Variants in LMF1 observed in about 807,000 individuals in gnomAD.
LMF1 encodes the protein transmembrane protein 112.
Under a neutral mutation model 60.6 loss-of-function variants are expected in LMF1, and 68 were observed. That is an observed-to-expected ratio of 1.12 (90% CI 0.92 to 1.37). LMF1 has a LOEUF of 1.37. LMF1 is among the 40% of genes most tolerant of loss of function. The pLI, the probability that LMF1 is intolerant of heterozygous loss-of-function variation, is 0.00. For missense variants in LMF1, 948 were observed against 767.2 expected (o/e 1.24, Z -2.78); for synonymous variants, 418 against 324.7 (o/e 1.29, Z -3.09).
At chr16:951,659 A>G (rs1235990346) in intron 2 of LMF1, among the ~76,000 whole-genome samples, 1 of 152,232 alleles carries the variant, frequency 6.6e-6, no homozygotes, top group Non-Finnish European at 1.5e-5. Context: ...GCTGCGACAA[A>G]CCACGCTCAG....
At chr16:925,173 G>A (rs146495294) in intron 3 of LMF1, among the ~76,000 whole-genome samples, 1 of 152,328 alleles carries the variant, frequency 6.6e-6, no homozygotes, top group East Asian at 1.9e-4. Context: ...TAGGAATGAA[G>A]AGCAGATGCC....
Position 853,653 on chromosome 16 carries a change from G to A in LMF1, c.*879C>T, listed in dbSNP as rs1320951238. 2.2e-6 allele frequency: 1 copy of A among 451,170 alleles called. No homozygotes were observed. The highest frequency in any genetic ancestry group is 4.5e-6 in the Non-Finnish European group (1 of 224,192). The allele number at this position is 451,170 out of a possible 1,614,324, so 27.9% of individuals were successfully genotyped here. On this transcript the variant is annotated 3_prime_UTR_variant, in exon 11 of 11. Coordinates refer to ENST00000262301, the MANE Select transcript of LMF1 (RefSeq NM_022773.4). ...AGTGTGTTTTCGAGTAAGCTGGTAA[G>A]TGGTATAATAGGAATAGTAGAAGAA...
At chr16:888,665 C>T (rs1282325460) in intron 5 of LMF1, among the ~76,000 whole-genome samples, 14 of 152,246 alleles carry the variant, frequency 9.2e-5, no homozygotes, top group Admixed American at 8.5e-4. Flanking sequence ...CAGCCTGCTG[C>T]ATTCTGGACG....
chr16:855,823 C>T (rs1447301681), intron 10 of LMF1: 7 of 455,616 alleles, frequency 1.5e-5, no homozygotes, highest in Non-Finnish European at 3.1e-5. Flanking sequence ...TTATTTGGGG[C>T]TTCTGGTGAC....
rs574186298 is a variant in LMF1, at chr16:886,111, A to G, written c.730-6374T>C. Reference sequence around the variant, plus strand: ...CTTTCATTCCAGTGCATGTTACGACATTTGATTCTCACAACCGCCGTAGGG... The same window carrying G: ...CTTTCATTCCAGTGCATGTTACGACGTTTGATTCTCACAACCGCCGTAGGG... On this transcript the variant is annotated intron_variant, in intron 5 of 10. Coordinates refer to ENST00000262301, the MANE Select transcript of LMF1 (RefSeq NM_022773.4). Among the ~76,000 whole-genome samples, 67 of 152,222 alleles carry G rather than the reference A, an allele frequency of 4.4e-4. 2 individuals carry two copies. Among genetic ancestry groups the G allele is most frequent in the Non-Finnish European group, 2.5e-4 (17 of 68,038 alleles).
chr16:905,017 T>C (rs2070936671), intron 4 of LMF1: 1 of 70,998 alleles, frequency 1.4e-5, no homozygotes, highest in Non-Finnish European at 3.0e-5. Context: ...CGCCTGTCTC[T>C]GCTGTGTGGT....
At chr16:924,241 A>G (rs1275705972) in intron 3 of LMF1, among the ~76,000 whole-genome samples, 1 of 152,244 alleles carries the variant, frequency 6.6e-6, no homozygotes, top group Non-Finnish European at 1.5e-5. Flanking sequence ...TGCGAAGAAT[A>G]ACCCATATAA....
At chr16:901,840 G>C (rs993876236) in intron 4 of LMF1, 9 of 152,348 alleles carry the variant, frequency 5.9e-5, no homozygotes, top group African/African-American at 2.2e-4. Context: ...AAGGAACCGT[G>C]CTGACTCCAT....
At chr16:920,604 C>G (rs995449627) in intron 3 of LMF1, among the ~76,000 whole-genome samples, 9 of 152,194 alleles carry the variant, frequency 5.9e-5, no homozygotes, top group Admixed American at 5.9e-4. Context: ...GGCCCAGGAG[C>G]TCGTGGAAGG....
chr16:931,396 G>T (rs986820258), intron 3 of LMF1, among the ~76,000 whole-genome samples: 1 of 152,080 alleles, frequency 6.6e-6, no homozygotes, highest in African/African-American at 2.4e-5. Context: ...CCCGTGCCCC[G>T]CCCTGAACCA....
intron 3 of LMF1, 98 bp from the exon 4 acceptor site, chr16:911,177 G>T: frequency 2.9e-6 from 4 of 1,371,976 alleles, no homozygotes; most frequent in Non-Finnish European, 4.1e-6. Context: ...CGGTCCTTGA[G>T]ACAGGGCTGA....
chr16:880,012 C>T (rs968417217), intron 5 of LMF1, among the ~76,000 whole-genome samples: 3 of 152,200 alleles, frequency 2.0e-5, no homozygotes, highest in Admixed American at 6.5e-5. Flanking sequence ...GAAGGAGAGA[C>T]GACACCTGTA....
intron 6 of LMF1, chr16:871,699 C>T (rs2069799195): frequency 4.3e-6 from 1 of 231,596 alleles, no homozygotes; most frequent in South Asian, 8.3e-5. Flanking sequence ...CGGGGTCATG[C>T]CCGGGGAAGG....
chr16:969,171 C>T (rs2072987539), intron 1 of LMF1, among the ~76,000 whole-genome samples: 1 of 152,112 alleles, frequency 6.6e-6, no homozygotes, highest in Admixed American at 6.5e-5. Flanking sequence ...AAAAATTAGT[C>T]AGGCATGGTG....
At chr16:868,859 G>T in intron 10 of LMF1, 85 bp downstream of exon 10, 2 of 870,870 alleles carry the variant, frequency 2.3e-6, no homozygotes, top group East Asian at 2.4e-5. Context: ...GTGAGCAGGT[G>T]GGGGTGCAGG....
intron 10 of LMF1, chr16:855,621 C>T (rs1407192292): frequency 2.0e-5 from 9 of 442,206 alleles, no homozygotes; most frequent in East Asian, 7.0e-5. Context: ...GCAGCAGGAG[C>T]GGAAGCTTCT....
At chr16:928,128 C>A (rs902793457) in intron 3 of LMF1, among the ~76,000 whole-genome samples, 2 of 152,242 alleles carry the variant, frequency 1.3e-5, no homozygotes, top group Non-Finnish European at 1.5e-5. Flanking sequence ...GCCTGGCCGT[C>A]CTGCCTCCGT....
At chr16:930,635 G>A (rs1024938184) in intron 3 of LMF1, among the ~76,000 whole-genome samples, 1 of 152,264 alleles carries the variant, frequency 6.6e-6, no homozygotes, top group Non-Finnish European at 1.5e-5. Context: ...GGGCTGTGCG[G>A]ACTTCCCGGC....
chr16:895,625 G>A (rs1324391899), intron 4 of LMF1, among the ~76,000 whole-genome samples: 1 of 152,170 alleles, frequency 6.6e-6, no homozygotes, highest in Non-Finnish European at 1.5e-5. Context: ...CGAGACTGGC[G>A]GGGGAGTGGG....
Sources: gnomAD v4.1 joint callset for allele counts (sites outside exome capture counted in the v4.1 genomes callset) on GRCh38, gnomAD v4.1.1 for gene constraint, MANE v1.5 for transcripts, NCBI Gene and HGNC (gene_info 2026-07-23, HGNC 2026-07-21) for gene names.